FAAH2: variants seen among roughly 807,000 people sequenced by gnomAD.
FAAH2 encodes fatty-acid amide hydrolase 2.
A neutral mutation model predicts 36.9 loss-of-function variants in FAAH2; 60 were observed. That is an observed-to-expected ratio of 1.63 (90% CI 1.32 to 2.02). The LOEUF is 2.02. Ranked by LOEUF, FAAH2 falls within the 30% of genes most tolerant of loss-of-function variation. The pLI, the probability that FAAH2 is intolerant of heterozygous loss-of-function variation, is 0.00. For missense variants in FAAH2, 689 were observed against 397.5 expected (o/e 1.73, Z -6.23); for synonymous variants, 214 against 143.8 (o/e 1.49, Z -3.49).
intron 7 of FAAH2, chrX:57,392,936 G>T: frequency 2.2e-6 from 2 of 902,836 alleles, no homozygotes; most frequent in Non-Finnish European, 3.3e-6. Context: ...ATTCAATGTT[G>T]TCTGCTCCAT....
the FAAH2 span, among the ~76,000 whole-genome samples, chrX:57,158,533 C>T: frequency 8.9e-6 from 1 of 111,771 alleles, no homozygotes; most frequent in Non-Finnish European, 1.9e-5. Flanking sequence ...TTTTAATGAT[C>T]ACCATTCTAA....
chrX:57,383,038 A>G (rs2054900359), intron 7 of FAAH2, among the ~76,000 whole-genome samples: 1 of 111,827 alleles, frequency 8.9e-6, no homozygotes, highest in African/African-American at 3.3e-5. Flanking sequence ...AAATCAATAA[A>G]CGTAATCCAG....
At chrX:57,384,663 A>T (rs1350424113) in intron 7 of FAAH2, among the ~76,000 whole-genome samples, 1 of 110,961 alleles carries the variant, frequency 9.0e-6, no homozygotes, top group Non-Finnish European at 1.9e-5. Flanking sequence ...ATCATTAAAA[A>T]GTCAGGAAAC....
intron 1 of FAAH2, among the ~76,000 whole-genome samples, chrX:57,291,305 T>C (rs1237491998): frequency 8.9e-6 from 1 of 112,289 alleles, no homozygotes; most frequent in Non-Finnish European, 1.9e-5. Context: ...GAAAAGTATA[T>C]GACTGTTACA....
the FAAH2 span, among the ~76,000 whole-genome samples, chrX:57,158,072 C>T: frequency 3.6e-5 from 4 of 111,131 alleles, no homozygotes; most frequent in African/African-American, 3.3e-5. Context: ...TTGCTCAATT[C>T]GCACCAATGA....
chrX:57,240,150 G>A, the FAAH2 span, among the ~76,000 whole-genome samples: 1 of 111,935 alleles, frequency 8.9e-6, no homozygotes, highest in Non-Finnish European at 1.9e-5. Flanking sequence ...TTGTATGTGT[G>A]TGGGCTGATG....
At chrX:57,457,277 T>C (rs2056878617) in intron 10 of FAAH2, among the ~76,000 whole-genome samples, 1 of 111,406 alleles carries the variant, frequency 9.0e-6, no homozygotes, top group Admixed American at 9.5e-5. Context: ...CCTCAACAGA[T>C]TAAGCATTAA....
chrX:57,343,328 C>T (rs181236482), intron 5 of FAAH2, among the ~76,000 whole-genome samples: 1 of 111,705 alleles, frequency 9.0e-6, no homozygotes, highest in East Asian at 2.8e-4. Flanking sequence ...TTGTGTGAGA[C>T]AGTATCTCAT....
intron 8 of FAAH2, among the ~76,000 whole-genome samples, chrX:57,443,954 G>A (rs1348288443): frequency 8.9e-6 from 1 of 111,913 alleles, no homozygotes; most frequent in South Asian, 3.7e-4. Context: ...TGATGTTGCT[G>A]CCTGATCCTT....
chrX:57,457,400 T>G (rs1312392898), intron 10 of FAAH2, among the ~76,000 whole-genome samples: 1 of 110,705 alleles, frequency 9.0e-6, no homozygotes, highest in Non-Finnish European at 1.9e-5. Context: ...AAGACAAGTA[T>G]GCCCACTTTC....
intron 5 of FAAH2, among the ~76,000 whole-genome samples, chrX:57,366,383 C>A (rs1027473905): frequency 3.6e-5 from 4 of 112,084 alleles, no homozygotes; most frequent in African/African-American, 9.7e-5. Context: ...CAGCTTTGTT[C>A]TTTTGCCCCT....
chrX:57,445,260 C>T (rs1273994612), intron 8 of FAAH2, among the ~76,000 whole-genome samples: 2 of 111,394 alleles, frequency 1.8e-5, no homozygotes, highest in Non-Finnish European at 3.8e-5. Flanking sequence ...AGAGGCACTG[C>T]TTTGGTGGTG....
At chrX:57,294,111 G>C (rs1316618218) in intron 2 of FAAH2, among the ~76,000 whole-genome samples, 1 of 111,801 alleles carries the variant, frequency 8.9e-6, no homozygotes, top group African/African-American at 3.3e-5. Flanking sequence ...AAAAATATGT[G>C]TAAAGCACCT....
intron 5 of FAAH2, among the ~76,000 whole-genome samples, chrX:57,349,263 GTATATACA>G (rs1186639950): frequency 4.5e-3 from 403 of 89,857 alleles, no homozygotes; most frequent in South Asian, 7.7e-3. Flanking sequence ...GTGTATATAT[GTATATACA>G]TATATACATA....
At chrX:57,456,202 G>A (rs1189077492) in intron 10 of FAAH2, among the ~76,000 whole-genome samples, 1 of 111,077 alleles carries the variant, frequency 9.0e-6, no homozygotes, top group African/African-American at 3.3e-5. Flanking sequence ...AATAACTCTT[G>A]GGCAAAAAAC....
At chrX:57,371,569 G>A (rs1462487061) in intron 5 of FAAH2, among the ~76,000 whole-genome samples, 1 of 105,167 alleles carries the variant, frequency 9.5e-6, no homozygotes, top group Non-Finnish European at 2.0e-5. Context: ...CTTTTAGGTA[G>A]AACAATATTT....
chrX:57,425,442 A>G (rs1050408699), intron 7 of FAAH2, among the ~76,000 whole-genome samples: 1 of 111,674 alleles, frequency 9.0e-6, no homozygotes, highest in African/African-American at 3.2e-5. Context: ...GAAGTGAAGG[A>G]AAAAATCCTA....
intron 5 of FAAH2, among the ~76,000 whole-genome samples, chrX:57,357,571 A>G (rs146281899): frequency 6.4e-4 from 72 of 112,262 alleles, no homozygotes; most frequent in African/African-American, 2.2e-3. Context: ...TGCAGACAAC[A>G]AATGTATGAA....
chrX:57,385,981 G>A (rs186686688), intron 7 of FAAH2, among the ~76,000 whole-genome samples: 2 of 110,437 alleles, frequency 1.8e-5, no homozygotes, highest in East Asian at 2.8e-4. Context: ...AAAATTATAC[G>A]TTATTTTTAA....
Sources: allele counts gnomAD v4.1 joint callset (sites outside exome capture counted in the v4.1 genomes callset), GRCh38; gene constraint gnomAD v4.1.1; transcripts MANE v1.5; gene names NCBI Gene and HGNC (gene_info 2026-07-23, HGNC 2026-07-21).